The following ANKRD30A variants were observed in gnomAD, a reference collection of about 807,000 sequenced individuals.
ANKRD30A encodes the protein ankyrin repeat domain-containing protein 30A.
A neutral mutation model predicts 166.3 loss-of-function variants in ANKRD30A; 170 were observed. The observed-to-expected ratio is 1.02, with a 90% confidence interval of 0.90 to 1.16. ANKRD30A has a LOEUF of 1.16. Among genes scored for constraint, ANKRD30A ranks in the 50% most tolerant of loss-of-function variants. The pLI is 0.00. For missense variants in ANKRD30A, 1,630 were observed against 1,518.0 expected, an observed-to-expected ratio of 1.07 and a Z score of -1.23; for synonymous variants, 564 against 508.9, an observed-to-expected ratio of 1.11 and a Z score of -1.46.
chr10:37,126,061 G>T, intron 1 of ANKRD30A, 53 bp downstream of exon 1: 1 of 1,560,296 alleles, frequency 6.4e-7, no homozygotes, highest in African/African-American at 1.4e-5. Context: ...GGCGGTGGGA[G>T]GATCGCCCCT....
chr10:37,232,347 G>A (rs1843449819), intron 35 of ANKRD30A, among the ~76,000 whole-genome samples, 152 bp from the exon 36 acceptor site: 1 of 151,198 alleles, frequency 6.6e-6, no homozygotes, highest in Admixed American at 6.6e-5. Context: ...ACAATAGCTT[G>A]AAAATAGCTA....
chr10:37,190,507 A>T (rs1402972130), intron 25 of ANKRD30A, among the ~76,000 whole-genome samples: 1 of 151,858 alleles, frequency 6.6e-6, no homozygotes, highest in Non-Finnish European at 1.5e-5. Context: ...GTAAAAGGAA[A>T]GAGTTGGAAA....
At chr10:37,161,861 A>G (rs1274808026) in intron 15 of ANKRD30A, among the ~76,000 whole-genome samples, 3 of 152,230 alleles carry the variant, frequency 2.0e-5, no homozygotes, top group Non-Finnish European at 2.9e-5. Context: ...ACCGAACCAG[A>G]CGAATTGTAG....
In ANKRD30A at chr10:37,158,567, C is replaced by G; in HGVS notation, c.1881C>G (p.Asp627Glu). Reference sequence around the variant, plus strand: ...CAACTAAAGCCTTAGAATTGAAGGACATGCAAACTTTCAAAGCAGGTAAAT... The same window carrying G: ...CAACTAAAGCCTTAGAATTGAAGGAGATGCAAACTTTCAAAGCAGGTAAAT... ...SIPTKALELK[D>E]MQTFKAEPPG... is the part of the protein sequence containing the mutation. The change falls in exon 15 of 36, where the codon GAC (aspartate) becomes GAG (glutamate). Residue 627 changes from aspartate to glutamate, a missense_variant. Transcript: ENST00000361713. 1 of 1,613,154 alleles carries G rather than the reference C, an allele frequency of 6.2e-7. No homozygotes were observed. The highest frequency in any genetic ancestry group is 1.1e-5 in the South Asian group (1 of 90,784).
chr10:37,255,586 A>T, the ANKRD30A span, among the ~76,000 whole-genome samples: 1 of 152,134 alleles, frequency 6.6e-6, no homozygotes, highest in African/African-American at 2.4e-5. Context: ...ATTTCCAAAA[A>T]TTTTTTATCA....
At chr10:37,156,713 G>T (rs750697634) in intron 13 of ANKRD30A, among the ~76,000 whole-genome samples, 14 of 152,122 alleles carry the variant, frequency 9.2e-5, no homozygotes, top group Non-Finnish European at 1.9e-4. Flanking sequence ...CCTAAAACAA[G>T]CAGATGAATT....
intron 27 of ANKRD30A, among the ~76,000 whole-genome samples, chr10:37,196,009 A>G (rs181405135): frequency 1.4e-4 from 22 of 152,210 alleles, no homozygotes; most frequent in African/African-American, 5.1e-4. Flanking sequence ...CTAAACAAAG[A>G]GAAAGGAAGT....
At chr10:37,233,544 T>A (rs950177180), downstream of ANKRD30A, among the ~76,000 whole-genome samples, 6 of 152,180 alleles carry the variant, frequency 3.9e-5, no homozygotes, top group Non-Finnish European at 8.8e-5. Flanking sequence ...TTATTTTTAG[T>A]ATTTCCGGAT....
At chr10:37,166,540 AT>A (rs2132612232) in intron 18 of ANKRD30A, 64 bp from the exon 19 acceptor site, 1 of 1,393,024 alleles carries the variant, frequency 7.2e-7, no homozygotes, top group East Asian at 2.5e-5. Flanking sequence ...TAATTAGGAA[AT>A]TTTGATACTC....
At chr10:37,138,417 T>A (rs980914000) in intron 6 of ANKRD30A, among the ~76,000 whole-genome samples, 7 of 152,066 alleles carry the variant, frequency 4.6e-5, no homozygotes, top group African/African-American at 1.4e-4. Context: ...CTTCAGACGA[T>A]CAAACTACTC....
chr10:37,193,335 C>T lies in ANKRD30A; in HGVS notation c.2614+77C>T, dbSNP rs1392596750. 4.9e-5 allele frequency: 71 copies of T among 1,460,728 alleles called. No homozygotes were observed. In the East Asian group the frequency reaches 1.7e-3, roughly 35 times the overall value. 90.5% of individuals were successfully genotyped at this position (1,460,728 alleles called of 1,614,324 possible). A position where few individuals can be genotyped will look rare whatever the true frequency, so the allele number is the denominator to read the frequency against. ...TGAAATGCTGTGAGACTTTTCATTC[C>T]CAATGTTGTTTTCTATTCATAATTT... On this transcript the variant is annotated intron_variant, in intron 27 of 35. Transcript: ENST00000361713.
rs12242368 is a variant in ANKRD30A, at chr10:37,162,699, T to C, written c.1929+22T>C. ...CGAGGTATTTAGTTTTATGATTTCA[T>C]TTTGAATGACTTATTATCTATGTAT... On this transcript the variant is annotated intron_variant, in intron 16 of 35. Transcript: ENST00000361713. 1.3e-3 allele frequency: 2,059 copies of C among 1,613,022 alleles called. 19 individuals are homozygous for C. In the African/African-American group the frequency reaches 0.025, roughly 19 times the overall value.
At chr10:37,263,808 C>T in the ANKRD30A span, among the ~76,000 whole-genome samples, 1 of 152,026 alleles carries the variant, frequency 6.6e-6, no homozygotes, top group Non-Finnish European at 1.5e-5. Context: ...GGCCCACTGC[C>T]CTAAGAGACA....
chr10:37,219,974 G>T, intron 34 of ANKRD30A, 77 bp downstream of exon 34: 6 of 726,736 alleles, frequency 8.3e-6, no homozygotes, highest in East Asian at 9.1e-5. Context: ...TTGGCTAAAT[G>T]CTGAATCTAG....
chr10:37,158,434 T>C lies in ANKRD30A; in HGVS notation c.1827+14T>C. ...GGTCTTCTGAAGGTAATAACTTTTA[T>C]ATTTTTGTCTTGAGTATCAACTACA... is the stretch of plus-strand genomic sequence containing the variant. On this transcript the variant is annotated intron_variant, in intron 14 of 35. Transcript: ENST00000361713. 2 of 1,612,036 alleles carry C rather than the reference T, an allele frequency of 1.2e-6. No homozygotes were observed. Among genetic ancestry groups the C allele is most frequent in the Admixed American group, 1.7e-5 (1 of 59,926 alleles).
chr10:37,223,514 C>A (rs1022238107), intron 34 of ANKRD30A, among the ~76,000 whole-genome samples: 3 of 151,128 alleles, frequency 2.0e-5, no homozygotes, highest in Admixed American at 6.6e-5. Flanking sequence ...CTTTGGAAAC[C>A]AAAATGTAAA....
the ANKRD30A span, among the ~76,000 whole-genome samples, chr10:37,250,241 AG>A: frequency 1.3e-5 from 2 of 152,142 alleles, no homozygotes; most frequent in Non-Finnish European, 2.9e-5. Flanking sequence ...AACATAGTTT[AG>A]TAAGTTCAGG....
intron 31 of ANKRD30A, among the ~76,000 whole-genome samples, 163 bp from the exon 32 acceptor site, chr10:37,216,018 G>GTT (rs371657250): frequency 2.1e-5 from 3 of 144,514 alleles, no homozygotes; most frequent in African/African-American, 5.0e-5. Flanking sequence ...AAGAGGAGAG[G>GTT]TTTTTTTTTT....
chr10:37,137,534 T>A (rs770669049), intron 6 of ANKRD30A, among the ~76,000 whole-genome samples: 1 of 152,134 alleles, frequency 6.6e-6, no homozygotes, highest in Non-Finnish European at 1.5e-5. Flanking sequence ...CTTAATACTG[T>A]GCTTTTCCAA....
Sources: gnomAD v4.1 joint callset for allele counts (sites outside exome capture counted in the v4.1 genomes callset) on GRCh38, gnomAD v4.1.1 for gene constraint, MANE v1.5 for transcripts, NCBI Gene and HGNC (gene_info 2026-07-23, HGNC 2026-07-21) for gene names.